Variants in FAM81B observed in about 807,000 individuals in gnomAD.
FAM81B encodes protein FAM81B.
FAM81B carries 60 observed loss-of-function variants against 58.7 expected under a neutral mutation model. The ratio of observed to expected loss-of-function variants is 1.02; its 90% CI spans 0.83 to 1.27. FAM81B has a LOEUF of 1.27. Ranked by LOEUF, FAM81B falls within the 50% of genes most tolerant of loss-of-function variation. The pLI is 0.00. For synonymous variants in FAM81B, 189 were observed against 179.6 expected, an observed-to-expected ratio of 1.05 and a Z score of -0.42; for missense variants, 491 against 522.0, an observed-to-expected ratio of 0.94 and a Z score of 0.58.
chr5:95,413,197 AT>A (rs1762449201), intron 3 of FAM81B, among the ~76,000 whole-genome samples: 1 of 152,054 alleles, frequency 6.6e-6, no homozygotes, highest in Non-Finnish European at 1.5e-5. Context: ...TTTTTCTATG[AT>A]TTTCGAAACA....
intron 8 of FAM81B, among the ~76,000 whole-genome samples, chr5:95,447,099 A>C (rs1303592341): frequency 6.6e-6 from 1 of 152,200 alleles, no homozygotes; most frequent in African/African-American, 2.4e-5. Flanking sequence ...GTAGATTAAA[A>C]GTTTTCAAAA....
rs1745269257 is a variant in FAM81B at position 95,440,012 on chromosome 5, T to C, written c.893+3106T>C. ...CCAGCCTGGATGACAGAGCAAGACCTGGTCTCTAAAAAAGTCTTTTAACAA... is the reference window on the plus strand; with the variant it reads ...CCAGCCTGGATGACAGAGCAAGACCCGGTCTCTAAAAAAGTCTTTTAACAA... On this transcript the variant is annotated intron_variant, in intron 7 of 9. Coordinates refer to ENST00000283357, the MANE Select transcript of FAM81B (RefSeq NM_152548.3). The C allele has an allele frequency of 1.1e-5, 4 of 372,076 alleles. No homozygotes were observed. In the Admixed American group the frequency reaches 1.5e-4, roughly 14 times the overall value. 23.0% of individuals were successfully genotyped at this position (372,076 alleles called of 1,614,324 possible).
intron 3 of FAM81B, among the ~76,000 whole-genome samples, 198 bp from the exon 4 acceptor site, chr5:95,413,749 G>C (rs1762463661): frequency 6.6e-6 from 1 of 152,100 alleles, no homozygotes; most frequent in Non-Finnish European, 1.5e-5. Flanking sequence ...CCACCAATTG[G>C]CTTGAAGCAT....
At chr5:95,399,610 T>C (rs75447320) in intron 3 of FAM81B, among the ~76,000 whole-genome samples, 7,928 of 152,126 alleles carry the variant, frequency 0.052, 387 homozygotes, top group African/African-American at 0.14. Flanking sequence ...CAGTCCCTCC[T>C]AAGAGGCTGT....
chr5:95,420,553 C>T (rs1762651883), intron 5 of FAM81B, 151 bp downstream of exon 5: 1 of 1,114,748 alleles, frequency 9.0e-7, no homozygotes. Context: ...TACCATAGAA[C>T]TTTCAATGCC....
Position 95,392,831 on chromosome 5 carries a change from T to G in FAM81B, c.162T>G (p.Thr54=). 1.2e-6 allele frequency: 2 copies of G among 1,612,474 alleles called. No individual in the cohort carries two copies. The highest frequency in any genetic ancestry group is 1.7e-6 in the Non-Finnish European group (2 of 1,179,304). The change falls in exon 2 of 10, where the codon ACT becomes ACG. Residue 54 remains threonine (T), a synonymous_variant. Coordinates refer to ENST00000283357, the MANE Select transcript of FAM81B (RefSeq NM_152548.3). ...NVNKSASPTA[T]AEEQPVEPDG... is the part of the protein sequence containing the mutation. ...ACAAAAGTGCCTCTCCAACTGCGAC[T>G]GCAGAGGAACAGCCAGTTGAACCTG...
At chr5:95,428,905 C>T (rs1042451734) in intron 6 of FAM81B, among the ~76,000 whole-genome samples, 173 bp downstream of exon 6, 2 of 152,150 alleles carry the variant, frequency 1.3e-5, no homozygotes, top group South Asian at 4.1e-4. Flanking sequence ...ATTCAATCAA[C>T]AAATGTTTAA....
intron 3 of FAM81B, among the ~76,000 whole-genome samples, chr5:95,400,433 T>TACATACATACATAC (rs778492178): frequency 4.3e-5 from 6 of 137,998 alleles, no homozygotes; most frequent in Non-Finnish European, 7.8e-5. Context: ...CATACATACA[T>TACATACATACATAC]ACACACACAC....
chr5:95,425,241 T>G (rs1241094963), intron 5 of FAM81B, among the ~76,000 whole-genome samples: 2 of 150,224 alleles, frequency 1.3e-5, no homozygotes, highest in Non-Finnish European at 3.0e-5. Context: ...AATCTATAGA[T>G]TAAAAGGAAA....
intron 7 of FAM81B, among the ~76,000 whole-genome samples, chr5:95,439,572 A>C (rs1005435357): frequency 2.0e-5 from 3 of 151,444 alleles, no homozygotes; most frequent in Non-Finnish European, 4.4e-5. Flanking sequence ...TGTATTGAAA[A>C]TGTATTTTGC....
intron 2 of FAM81B, among the ~76,000 whole-genome samples, chr5:95,395,442 C>CA (rs70978184): frequency 0.7 from 71,763 of 103,092 alleles, 24,588 homozygotes; most frequent in East Asian, 0.77. Flanking sequence ...GACCCCGTCT[C>CA]AAAAAAAAAA....
chr5:95,426,776 C>T (rs925872386), intron 5 of FAM81B, among the ~76,000 whole-genome samples: 6 of 152,266 alleles, frequency 3.9e-5, no homozygotes, highest in Admixed American at 6.5e-5. Context: ...AGGCCGGGCG[C>T]GGTGGCTCAC....
At position 95,407,232 on chromosome 5, in the gene FAM81B, G is replaced by C. The variant is rs1462573527; in HGVS notation, c.294-6715G>C. 5.9e-5 allele frequency among the ~76,000 whole-genome samples: 9 copies of C among 151,344 alleles called. No individual in the cohort carries two copies. The South Asian group carries it at 1.0e-3, about 18-fold the overall frequency. ...CAACTCTTCCTTTTGAAAGCTACCT[G>C]AGTGATTCCAAAAATGCCTGTTCTC... is the stretch of plus-strand genomic sequence containing the variant. On this transcript the variant is annotated intron_variant, in intron 3 of 9. Coordinates refer to ENST00000283357, the MANE Select transcript of FAM81B (RefSeq NM_152548.3).
rs113405361 is a variant in FAM81B, at chr5:95,412,308, C to T, written c.294-1639C>T. ...TTGCATAATTTTTCTATGCTGTTTT[C>T]GGTACACAGAAATTCATTCCACATG... On this transcript the variant is annotated intron_variant, in intron 3 of 9. Coordinates refer to ENST00000283357, the MANE Select transcript of FAM81B (RefSeq NM_152548.3). Among the ~76,000 whole-genome samples, 245 of 152,230 alleles carry T rather than the reference C, an allele frequency of 1.6e-3. 4 individuals are homozygous for T. The highest frequency in any genetic ancestry group is 5.7e-3 in the African/African-American group (236 of 41,548).
At chr5:95,432,159 C>T (rs1016834983) in intron 6 of FAM81B, among the ~76,000 whole-genome samples, 2 of 151,980 alleles carry the variant, frequency 1.3e-5, no homozygotes, top group Non-Finnish European at 2.9e-5. Context: ...ACCTTTTCAG[C>T]ATTTATGAAA....
At chr5:95,449,375 ACTGG>A (rs1745706675) in intron 9 of FAM81B, among the ~76,000 whole-genome samples, 1 of 152,120 alleles carries the variant, frequency 6.6e-6, no homozygotes, top group African/African-American at 2.4e-5. Context: ...CCCAAACTTA[ACTGG>A]CCCTTCTTTT....
intron 6 of FAM81B, among the ~76,000 whole-genome samples, chr5:95,431,316 G>C (rs1435749702): frequency 6.6e-6 from 1 of 151,790 alleles, no homozygotes; most frequent in Admixed American, 6.6e-5. Context: ...TAAATCCTTC[G>C]TCCATTTGTA....
At chr5:95,437,632 C>T (rs1400191445) in intron 7 of FAM81B, among the ~76,000 whole-genome samples, 6 of 152,160 alleles carry the variant, frequency 3.9e-5, no homozygotes, top group East Asian at 1.9e-4. Context: ...CCACTGTGTC[C>T]GGCCTACATT....
At chr5:95,435,160 G>A (rs1051832792) in intron 6 of FAM81B, among the ~76,000 whole-genome samples, 3 of 152,226 alleles carry the variant, frequency 2.0e-5, no homozygotes, top group African/African-American at 7.2e-5. Context: ...GGACACTCGT[G>A]ATGGATTTTG....
Sources: gnomAD v4.1 joint callset for allele counts (sites outside exome capture counted in the v4.1 genomes callset) on GRCh38, gnomAD v4.1.1 for gene constraint, MANE v1.5 for transcripts, NCBI Gene and HGNC (gene_info 2026-07-23, HGNC 2026-07-21) for gene names.